Variants in SGCD observed in about 807,000 individuals in gnomAD.
The protein encoded by SGCD is delta-sarcoglycan.
Under a neutral mutation model 36.6 loss-of-function variants are expected in SGCD, and 18 were observed. The observed-to-expected ratio is 0.49, with a 90% CI of 0.34 to 0.73. SGCD has a LOEUF of 0.73. SGCD is among the 30% of genes least tolerant of loss of function. The pLI, the probability that SGCD is intolerant of heterozygous loss-of-function variation, is 0.01. For synonymous variants in SGCD, 133 were observed against 130.6 expected (o/e 1.02, Z -0.12); for missense variants, 387 against 346.7 (o/e 1.12, Z -0.92).
intron 1 of SGCD, among the ~76,000 whole-genome samples, chr5:156,062,145 A>C (rs1760231701): frequency 1.1e-5 from 1 of 89,738 alleles, no homozygotes; most frequent in Non-Finnish European, 2.0e-5. Flanking sequence ...ATGTGATCTC[A>C]TTGTTCAGTT....
rs1419258607 is a variant in SGCD, at chr5:156,763,220, GCTGT to G, written c.*3833_*3836del. ...AATCTGTTTCCTGTAGGCTCTTTCT[GCTGT>G]CTATATTCATTAAAGTTTTCCACTT... On this transcript the variant is annotated 3_prime_UTR_variant, in exon 9 of 9. Coordinates refer to ENST00000337851, the MANE Select transcript of SGCD (RefSeq NM_000337.6). 5 of 152,734 alleles carry G rather than the reference GCTGT, an allele frequency of 3.3e-5. No individual in the cohort carries two copies. The highest frequency in any genetic ancestry group is 1.2e-4 in the African/African-American group (5 of 41,562). The allele number at this position is 152,734 out of a possible 1,614,324, so 9.5% of individuals were successfully genotyped here. A position where few individuals can be genotyped will look rare whatever the true frequency, so the allele number is the denominator to read the frequency against.
chr5:156,319,494 A>G (rs1240615303), intron 3 of SGCD, among the ~76,000 whole-genome samples: 2 of 152,242 alleles, frequency 1.3e-5, no homozygotes, highest in Non-Finnish European at 2.9e-5. Flanking sequence ...CCACTTAGGA[A>G]TGCTAAAAAG....
At chr5:155,905,729 G>C (rs1054393285) in intron 1 of SGCD, among the ~76,000 whole-genome samples, 14 of 152,036 alleles carry the variant, frequency 9.2e-5, no homozygotes, top group Non-Finnish European at 1.8e-4. Flanking sequence ...TATTATTCTC[G>C]TGATAGTTAA....
intron 3 of SGCD, among the ~76,000 whole-genome samples, chr5:156,175,929 C>T (rs558947020): frequency 1.1e-4 from 17 of 150,864 alleles, no homozygotes; most frequent in South Asian, 6.3e-4. Context: ...AGCATACATG[C>T]GGCTATTTTT....
chr5:156,539,397 T>A (rs1758258994), intron 4 of SGCD, among the ~76,000 whole-genome samples: 1 of 152,022 alleles, frequency 6.6e-6, no homozygotes, highest in South Asian at 2.1e-4. Flanking sequence ...TGTAGTCTTC[T>A]ATCCCTCACC....
At chr5:156,209,009 C>T (rs1478248622) in intron 3 of SGCD, among the ~76,000 whole-genome samples, 4 of 152,092 alleles carry the variant, frequency 2.6e-5, no homozygotes, top group African/African-American at 9.7e-5. Context: ...AGAGAGATAC[C>T]CTCCTCTTGG....
At chr5:156,526,615 A>G (rs931933973) in intron 4 of SGCD, among the ~76,000 whole-genome samples, 1 of 152,138 alleles carries the variant, frequency 6.6e-6, no homozygotes, top group African/African-American at 2.4e-5. Context: ...TAAATTATGG[A>G]TATTATTAAA....
rs551839313 is a variant in SGCD, at chr5:156,555,680, T to G, written c.295-33551T>G. 2.0e-5 allele frequency among the ~76,000 whole-genome samples: 3 copies of G among 152,172 alleles called. No homozygotes were observed. In the South Asian group the frequency reaches 6.2e-4, roughly 32 times the overall value. On this transcript the variant is annotated intron_variant, in intron 4 of 8. Coordinates refer to ENST00000337851, the MANE Select transcript of SGCD (RefSeq NM_000337.6). The stretch of plus-strand genomic sequence containing the variant: ...GGCCTACAAATTTGTTCTTTTTTTT[T>G]TTTCAAGGTTGTTTTGACTATTTGG...
intron 3 of SGCD, among the ~76,000 whole-genome samples, chr5:156,178,514 T>C (rs1204061776): frequency 1.3e-5 from 2 of 152,228 alleles, no homozygotes; most frequent in East Asian, 1.9e-4. Context: ...AGGTTAATTT[T>C]ATTTTATTTG....
chr5:155,733,701 A>G, the SGCD span, among the ~76,000 whole-genome samples: 1 of 152,032 alleles, frequency 6.6e-6, no homozygotes, highest in Non-Finnish European at 1.5e-5. Context: ...GGAGAAGTAA[A>G]AGTTGAAAGG....
chr5:155,789,112 CAAGATTGTAA>C, the SGCD span, among the ~76,000 whole-genome samples: 1 of 152,070 alleles, frequency 6.6e-6, no homozygotes, highest in Non-Finnish European at 1.5e-5. Context: ...TAGGGATTAT[CAAGATTGTAA>C]AATTAGCTGG....
At chr5:155,869,276 C>G (rs1453127809), upstream of SGCD, among the ~76,000 whole-genome samples, 2 of 152,134 alleles carry the variant, frequency 1.3e-5, no homozygotes, top group Non-Finnish European at 2.9e-5. Context: ...CACAACCTAG[C>G]CAATTGCCTG....
At chr5:156,695,483 CGA>C (rs1462009946) in intron 7 of SGCD, among the ~76,000 whole-genome samples, 2 of 137,742 alleles carry the variant, frequency 1.5e-5, no homozygotes, top group African/African-American at 2.9e-5. Context: ...CAACCTCTCT[CGA>C]TAGATAGATA....
At chr5:156,555,669 T>C (rs192070338) in intron 4 of SGCD, among the ~76,000 whole-genome samples, 4 of 148,704 alleles carry the variant, frequency 2.7e-5, no homozygotes, top group Admixed American at 2.1e-4. Context: ...TACAAATTTG[T>C]TCTTTTTTTT....
At chr5:155,986,199 C>T (rs890941564) in intron 1 of SGCD, among the ~76,000 whole-genome samples, 9 of 152,070 alleles carry the variant, frequency 5.9e-5, no homozygotes, top group African/African-American at 2.2e-4. Flanking sequence ...CAGTTTACTC[C>T]TTTGTGTATC....
intron 1 of SGCD, among the ~76,000 whole-genome samples, chr5:156,068,104 A>C (rs974445197): frequency 1.3e-4 from 19 of 146,912 alleles, no homozygotes; most frequent in African/African-American, 4.9e-4. Flanking sequence ...TTATATTTTT[A>C]TTTTTATTTT....
intron 7 of SGCD, among the ~76,000 whole-genome samples, chr5:156,731,718 A>G (rs542925607): frequency 3.3e-5 from 5 of 152,014 alleles, no homozygotes; most frequent in East Asian, 1.9e-4. Context: ...AAGAATGTCA[A>G]TGGTAGTTTA....
intron 3 of SGCD, among the ~76,000 whole-genome samples, chr5:156,481,989 C>T (rs1355266032): frequency 6.6e-6 from 1 of 152,162 alleles, no homozygotes; most frequent in Non-Finnish European, 1.5e-5. Flanking sequence ...ACCCACAGAC[C>T]AGGCAGTCTG....
intron 1 of SGCD, among the ~76,000 whole-genome samples, chr5:156,087,510 T>C (rs1761128585): frequency 6.6e-6 from 1 of 151,870 alleles, no homozygotes; most frequent in African/African-American, 2.4e-5. Context: ...CATGGTGGCA[T>C]GTGCCTGTAG....
Sources: allele counts gnomAD v4.1 joint callset (sites outside exome capture counted in the v4.1 genomes callset), GRCh38; gene constraint gnomAD v4.1.1; transcripts MANE v1.5; gene names NCBI Gene and HGNC (gene_info 2026-07-23, HGNC 2026-07-21).